AFF3: variants seen among roughly 807,000 people sequenced by gnomAD.
AFF3 encodes the protein ALF transcription elongation factor 3.
Under a neutral mutation model 129.7 loss-of-function variants are expected in AFF3, and 32 were observed. The observed-to-expected ratio is 0.25, with a 90% CI of 0.19 to 0.33. The LOEUF is 0.33. Among genes scored for constraint, AFF3 ranks in the 10% least tolerant of loss-of-function variants. The pLI is 1.00. For missense variants in AFF3, 1,373 were observed against 1,592.0 expected, an observed-to-expected ratio of 0.86 and a Z score of 2.34; for synonymous variants, 644 against 635.4, an observed-to-expected ratio of 1.01 and a Z score of -0.20.
intron 11 of AFF3, among the ~76,000 whole-genome samples, chr2:99,693,677 G>A (rs879492481): frequency 6.6e-6 from 1 of 152,010 alleles, no homozygotes; most frequent in Non-Finnish European, 1.5e-5. Flanking sequence ...TTTATCCAAT[G>A]ATTCTAATAC....
At chr2:99,622,414 A>T (rs1682111685) in intron 13 of AFF3, among the ~76,000 whole-genome samples, 2 of 152,358 alleles carry the variant, frequency 1.3e-5, no homozygotes, top group Admixed American at 1.3e-4. Context: ...TGCTGAAAAT[A>T]GAAAGGTTGT....
At chr2:99,917,344 T>C (rs1266630903) in intron 7 of AFF3, among the ~76,000 whole-genome samples, 1 of 152,076 alleles carries the variant, frequency 6.6e-6, no homozygotes, top group Non-Finnish European at 1.5e-5. Flanking sequence ...GGGCAGGAGA[T>C]CCTGATGTGG....
chr2:99,855,509 T>C (rs1690459424), intron 7 of AFF3, among the ~76,000 whole-genome samples: 2 of 152,142 alleles, frequency 1.3e-5, no homozygotes, highest in South Asian at 2.1e-4. Context: ...AAAGGACAGA[T>C]AGCCAATAGA....
chr2:99,877,686 G>C (rs1692404995), intron 7 of AFF3, among the ~76,000 whole-genome samples: 1 of 152,176 alleles, frequency 6.6e-6, no homozygotes, highest in South Asian at 2.1e-4. Context: ...TATTTTATGA[G>C]CATAATATAC....
chr2:99,978,150 C>T (rs925137941), intron 7 of AFF3, among the ~76,000 whole-genome samples: 1 of 152,168 alleles, frequency 6.6e-6, no homozygotes, highest in African/African-American at 2.4e-5. Flanking sequence ...TAGGTTAATG[C>T]CATTTCCCCT....
intron 24 of AFF3, among the ~76,000 whole-genome samples, chr2:99,553,148 C>G (rs556848780): frequency 6.6e-5 from 10 of 152,134 alleles, no homozygotes; most frequent in African/African-American, 2.4e-4. Flanking sequence ...TGTTGGCCAG[C>G]CTGGTTTCAA....
intron 4 of AFF3, among the ~76,000 whole-genome samples, chr2:100,028,329 G>A (rs1273609051): frequency 6.6e-6 from 1 of 152,086 alleles, no homozygotes; most frequent in Non-Finnish European, 1.5e-5. Context: ...TGTCAGAAAT[G>A]CTCAGATTTA....
chr2:99,569,061 A>G, intron 18 of AFF3, 146 bp from the exon 19 acceptor site: 1 of 705,166 alleles, frequency 1.4e-6, no homozygotes, highest in Non-Finnish European at 2.4e-6. Context: ...TTTCCAAACT[A>G]CTGCCTGTAT....
At chr2:99,679,090 A>G (rs1674284902) in intron 11 of AFF3, among the ~76,000 whole-genome samples, 1 of 152,212 alleles carries the variant, frequency 6.6e-6, no homozygotes, top group South Asian at 2.1e-4. Flanking sequence ...CTGGAGGCAA[A>G]TGGAGAAATC....
intron 12 of AFF3, among the ~76,000 whole-genome samples, chr2:99,659,371 A>C (rs1034517007): frequency 1.8e-4 from 27 of 152,238 alleles, no homozygotes; most frequent in African/African-American, 6.3e-4. Context: ...ATCAGACCCA[A>C]CGCTGGCTGA....
At chr2:99,734,417 G>A (rs1233671109) in intron 10 of AFF3, among the ~76,000 whole-genome samples, 1 of 151,858 alleles carries the variant, frequency 6.6e-6, no homozygotes, top group African/African-American at 2.4e-5. Context: ...CCAGTATAAT[G>A]TTGCATAAAA....
In AFF3 at chr2:99,911,253, T is replaced by C. The variant is rs961696559; in HGVS notation, c.874-73729A>G. On this transcript the variant is annotated intron_variant, in intron 7 of 24. Transcript: ENST00000672756. ...ATTTTGCATGATTAGCCGGGCATGG[T>C]GGCACATGCCTGTAATCCCAGCTAC... is the stretch of plus-strand genomic sequence containing the variant. Among the ~76,000 whole-genome samples, 5 of 152,146 alleles carry C rather than the reference T, an allele frequency of 3.3e-5. No individual in the cohort carries two copies. In the East Asian group the frequency reaches 5.8e-4, roughly 18 times the overall value.
intron 4 of AFF3, among the ~76,000 whole-genome samples, chr2:100,061,854 TGG>T (rs1491287542): frequency 6.6e-5 from 5 of 75,722 alleles, no homozygotes; most frequent in Admixed American, 3.6e-4. Flanking sequence ...GGTAGCACAG[TGG>T]AGGGGGGGGG....
At chr2:99,770,039 G>A (rs1294813632) in intron 8 of AFF3, among the ~76,000 whole-genome samples, 5 of 152,336 alleles carry the variant, frequency 3.3e-5, no homozygotes, top group South Asian at 2.1e-4. Flanking sequence ...ATCGGCAGAC[G>A]GTGAAGCCAG....
chr2:99,953,442 A>G (rs1015191558), intron 7 of AFF3, among the ~76,000 whole-genome samples: 2 of 152,242 alleles, frequency 1.3e-5, no homozygotes, highest in Non-Finnish European at 2.9e-5. Context: ...TTGTTTTTAA[A>G]AGAAGACCAT....
intron 7 of AFF3, among the ~76,000 whole-genome samples, chr2:99,933,852 T>C (rs894423993): frequency 4.6e-5 from 7 of 152,196 alleles, no homozygotes; most frequent in African/African-American, 1.7e-4. Flanking sequence ...ACTTGACATC[T>C]GGTAGAACAA....
At chr2:100,005,143 G>C (rs1312465498) in intron 7 of AFF3, among the ~76,000 whole-genome samples, 1 of 152,056 alleles carries the variant, frequency 6.6e-6, no homozygotes, top group Non-Finnish European at 1.5e-5. Context: ...TCCTCAAAGG[G>C]CATCCTGAAA....
chr2:99,928,778 A>G (rs555007441), intron 7 of AFF3, among the ~76,000 whole-genome samples: 1 of 152,254 alleles, frequency 6.6e-6, no homozygotes, highest in Admixed American at 6.5e-5. Flanking sequence ...TCTTGAGACC[A>G]CCCCAACCTC....
chr2:100,050,618 T>C (rs1406588314), intron 4 of AFF3, among the ~76,000 whole-genome samples: 3 of 152,124 alleles, frequency 2.0e-5, no homozygotes, highest in South Asian at 2.1e-4. Context: ...TACTATAAGG[T>C]CCACTACACA....
Sources: allele counts gnomAD v4.1 joint callset (sites outside exome capture counted in the v4.1 genomes callset), GRCh38; gene constraint gnomAD v4.1.1; transcripts MANE v1.5; gene names NCBI Gene and HGNC (gene_info 2026-07-23, HGNC 2026-07-21).